The following ZNF804B variants were observed in gnomAD, a reference collection of about 807,000 sequenced individuals.
ZNF804B encodes the protein zinc finger protein 804B.
In ZNF804B, 80 loss-of-function variants were observed where a neutral mutation model predicts 101.4. That is an observed-to-expected ratio of 0.79 (90% CI 0.66 to 0.95). ZNF804B has a LOEUF of 0.95. ZNF804B is among the 40% of genes least tolerant of loss of function. ZNF804B has a pLI of 0.00. For missense variants in ZNF804B, 1,673 were observed against 1,561.9 expected (o/e 1.07, Z -1.20); for synonymous variants, 622 against 558.8 (o/e 1.11, Z -1.59).
intron 1 of ZNF804B, among the ~76,000 whole-genome samples, chr7:89,105,000 G>T (rs762809313): frequency 1.1e-4 from 16 of 152,094 alleles, no homozygotes; most frequent in Non-Finnish European, 1.9e-4. Flanking sequence ...TTTAGTAAAG[G>T]TTTCTCAGGA....
In ZNF804B at chr7:89,334,980, C is replaced by T; in HGVS notation, c.1998C>T (p.His666=). 1.9e-6 allele frequency: 3 copies of T among 1,613,894 alleles called. No individual in the cohort carries two copies. Among genetic ancestry groups the T allele is most frequent in the Non-Finnish European group, 2.5e-6 (3 of 1,179,910 alleles). The part of the protein sequence containing the change: ...CKSSPCTVGG[H]SDHGKDFSVI... ...CCAGTCCTTGTACAGTAGGGGGTCACAGTGACCATGGGAAAGACTTCAGTG... is the reference window on the plus strand; with the variant it reads ...CCAGTCCTTGTACAGTAGGGGGTCATAGTGACCATGGGAAAGACTTCAGTG... Residue 666 remains histidine, a synonymous_variant, in exon 4 of 4, where the codon CAC becomes CAT. Coordinates refer to ENST00000333190, the MANE Select transcript of ZNF804B (RefSeq NM_181646.5).
intron 1 of ZNF804B, among the ~76,000 whole-genome samples, chr7:88,893,870 T>C (rs1792248127): frequency 6.6e-6 from 1 of 152,196 alleles, no homozygotes; most frequent in African/African-American, 2.4e-5. Flanking sequence ...TTGGGGACAT[T>C]ATTACAAGTT....
chr7:88,956,841 C>A (rs1793317297), intron 1 of ZNF804B, among the ~76,000 whole-genome samples: 1 of 151,424 alleles, frequency 6.6e-6, no homozygotes, highest in Admixed American at 6.6e-5. Context: ...ATGCTAGCAA[C>A]TCTATTTTAC....
In ZNF804B at chr7:88,996,820, A is replaced by G. The variant is rs117869226; in HGVS notation, c.109-221335A>G. ...GAAGGAATCTGAACAAACTTGACCT[A>G]GTGAGGTATAAAGTACAAAGATGGT... On this transcript the variant is annotated intron_variant, in intron 1 of 3. Transcript: ENST00000333190. Among the ~76,000 whole-genome samples the G allele has an allele frequency of 4.2e-3, 643 of 152,234 alleles. 1 individual carries two copies. Among genetic ancestry groups the G allele is most frequent in the Non-Finnish European group, 7.2e-3 (488 of 68,006 alleles).
chr7:89,080,910 T>G (rs2116312374), intron 1 of ZNF804B, among the ~76,000 whole-genome samples: 1 of 152,092 alleles, frequency 6.6e-6, no homozygotes, highest in East Asian at 1.9e-4. Context: ...AAAATCCATC[T>G]ACAGAAATCT....
chr7:89,091,104 T>C (rs1489616715), intron 1 of ZNF804B, among the ~76,000 whole-genome samples: 1 of 152,148 alleles, frequency 6.6e-6, no homozygotes, highest in Non-Finnish European at 1.5e-5. Context: ...TATCAGTAAA[T>C]TTAATGATAG....
intron 2 of ZNF804B, among the ~76,000 whole-genome samples, chr7:89,272,784 TA>T (rs1685765852): frequency 6.6e-6 from 1 of 152,174 alleles, no homozygotes; most frequent in Non-Finnish European, 1.5e-5. Flanking sequence ...AAACAATGTA[TA>T]CACCACCTAC....
rs578246469 is a variant in ZNF804B at position 89,036,183 on chromosome 7, G to T, written c.109-181972G>T. On this transcript the variant is annotated intron_variant, in intron 1 of 3. Coordinates refer to ENST00000333190, the MANE Select transcript of ZNF804B (RefSeq NM_181646.5). The stretch of plus-strand genomic sequence containing the variant: ...TATAGAGATATATAGTTCTTAAGCT[G>T]CCTGAGACAAAATTCCGAATTATCC... Among the ~76,000 whole-genome samples the T allele has an allele frequency of 9.0e-4, 136 of 150,896 alleles. 2 individuals are homozygous for T. The highest frequency in any genetic ancestry group is 3.2e-3 in the African/African-American group (134 of 41,250).
chr7:88,763,060 G>T (rs543276515), intron 1 of ZNF804B, among the ~76,000 whole-genome samples: 1 of 152,152 alleles, frequency 6.6e-6, no homozygotes, highest in South Asian at 2.1e-4. Context: ...TTCTTTTGTA[G>T]TTCTGATATT....
At chr7:88,787,521 G>C (rs1408717455) in intron 1 of ZNF804B, among the ~76,000 whole-genome samples, 1 of 152,126 alleles carries the variant, frequency 6.6e-6, no homozygotes, top group African/African-American at 2.4e-5. Flanking sequence ...GATGAGGTTT[G>C]CACAGTTTTG....
intron 1 of ZNF804B, among the ~76,000 whole-genome samples, chr7:89,024,571 A>G (rs16868583): frequency 0.18 from 25,429 of 139,026 alleles, 3,601 homozygotes; most frequent in African/African-American, 0.4. Flanking sequence ...CTACCTCTTT[A>G]CTGACAGTTG....
chr7:89,271,720 G>A (rs1789899630), intron 2 of ZNF804B, among the ~76,000 whole-genome samples: 1 of 152,042 alleles, frequency 6.6e-6, no homozygotes, highest in Non-Finnish European at 1.5e-5. Context: ...TGGTTGATAA[G>A]CTATTAATTA....
chr7:89,144,126 GA>G (rs1790755312), intron 1 of ZNF804B, among the ~76,000 whole-genome samples: 1 of 151,916 alleles, frequency 6.6e-6, no homozygotes, highest in Non-Finnish European at 1.5e-5. Context: ...CAAAAGCAGA[GA>G]ATATACATTT....
intron 1 of ZNF804B, among the ~76,000 whole-genome samples, chr7:88,959,312 A>G: frequency 6.6e-6 from 1 of 151,408 alleles, no homozygotes; most frequent in East Asian, 2.0e-4. Flanking sequence ...TTTACACATA[A>G]GCTTAAGTAT....
intron 1 of ZNF804B, among the ~76,000 whole-genome samples, chr7:88,989,212 G>A (rs1160350357): frequency 6.6e-6 from 1 of 151,918 alleles, no homozygotes; most frequent in East Asian, 1.9e-4. Flanking sequence ...TGGCCAGGAT[G>A]GTCTTGATCT....
At chr7:89,161,433 G>T in intron 1 of ZNF804B, among the ~76,000 whole-genome samples, 1 of 151,952 alleles carries the variant, frequency 6.6e-6, no homozygotes, top group African/African-American at 2.4e-5. Context: ...ATGAAATAAT[G>T]GCTTATGTAA....
intron 1 of ZNF804B, among the ~76,000 whole-genome samples, chr7:88,815,213 T>C (rs1339741522): frequency 6.8e-6 from 1 of 147,982 alleles, no homozygotes; most frequent in East Asian, 2.0e-4. Context: ...ATTCTCTATA[T>C]ATAACATTTT....
At chr7:88,891,819 C>T (rs1369147165) in intron 1 of ZNF804B, among the ~76,000 whole-genome samples, 1 of 151,838 alleles carries the variant, frequency 6.6e-6, no homozygotes, top group Non-Finnish European at 1.5e-5. Context: ...ATACATGTGC[C>T]ATGTTGGTGT....
At chr7:88,939,297 A>G (rs1449882652) in intron 1 of ZNF804B, among the ~76,000 whole-genome samples, 3 of 151,958 alleles carry the variant, frequency 2.0e-5, no homozygotes, top group African/African-American at 7.2e-5. Flanking sequence ...AAATATAAAT[A>G]TTATATAAAT....
Sources: allele counts gnomAD v4.1 joint callset (sites outside exome capture counted in the v4.1 genomes callset), GRCh38; gene constraint gnomAD v4.1.1; transcripts MANE v1.5; gene names NCBI Gene and HGNC (gene_info 2026-07-23, HGNC 2026-07-21).